The following UBR3 variants were observed in gnomAD, a reference collection of about 807,000 sequenced individuals.
UBR3 encodes the protein E3 ubiquitin-protein ligase UBR3.
A neutral mutation model predicts 243.2 loss-of-function variants in UBR3; 85 were observed. The observed-to-expected ratio is 0.35, with a 90% CI of 0.29 to 0.42. The LOEUF (loss-of-function observed/expected upper bound fraction) is 0.42, where lower values mean the gene tolerates loss of function less well. Ranked by LOEUF, UBR3 falls within the 10% of genes least tolerant of loss-of-function variation. The probability of loss-of-function intolerance (pLI) is 1.00; values close to 1 mark genes in which losing one functional copy is unlikely to be tolerated. For missense variants in UBR3, 1,686 were observed against 2,300.8 expected (o/e 0.73, Z 5.47); for synonymous variants, 748 against 799.8 (o/e 0.94, Z 1.09).
intron 1 of UBR3, among the ~76,000 whole-genome samples, chr2:169,839,327 T>A (rs899818295): frequency 6.6e-6 from 1 of 152,000 alleles, no homozygotes; most frequent in Middle Eastern, 3.2e-3. Flanking sequence ...GTGGATCTCA[T>A]GAAGATAAAG....
intron 35 of UBR3, among the ~76,000 whole-genome samples, chr2:170,064,540 G>T (rs2091515488): frequency 6.6e-6 from 1 of 151,756 alleles, no homozygotes; most frequent in Non-Finnish European, 1.5e-5. Flanking sequence ...TTGTGGTGTG[G>T]TATGAGGTAA....
intron 1 of UBR3, among the ~76,000 whole-genome samples, chr2:169,845,147 G>A (rs1465665896): frequency 6.6e-6 from 1 of 152,094 alleles, no homozygotes; most frequent in African/African-American, 2.4e-5. Flanking sequence ...TTAAGGCTGG[G>A]AGTGGTGGCT....
intron 5 of UBR3, among the ~76,000 whole-genome samples, chr2:169,879,026 AT>A (rs573129339): frequency 4.0e-5 from 6 of 151,500 alleles, no homozygotes; most frequent in African/African-American, 1.4e-4. Context: ...CATGTCAGGG[AT>A]TTTTTTTTAA....
At chr2:169,936,715 C>T (rs1574240011) in intron 19 of UBR3, among the ~76,000 whole-genome samples, 1 of 151,982 alleles carries the variant, frequency 6.6e-6, no homozygotes, top group South Asian at 2.1e-4. Context: ...TGTTCCCCTT[C>T]CTGTGTCCAA....
At chr2:169,845,578 TTTC>T (rs969818056) in intron 1 of UBR3, among the ~76,000 whole-genome samples, 2 of 150,768 alleles carry the variant, frequency 1.3e-5, no homozygotes, top group Non-Finnish European at 1.5e-5. Flanking sequence ...TTCTTTCTTC[TTTC>T]TTCTTCTTTT....
intron 8 of UBR3, among the ~76,000 whole-genome samples, chr2:169,899,629 G>A (rs552015603): frequency 6.6e-5 from 10 of 152,176 alleles, no homozygotes; most frequent in African/African-American, 2.2e-4. Context: ...ATCTACATTA[G>A]GTATTTCTCC....
chr2:169,841,960 C>T (rs1021838262), intron 1 of UBR3, among the ~76,000 whole-genome samples: 11 of 152,236 alleles, frequency 7.2e-5, no homozygotes, highest in East Asian at 1.9e-4. Flanking sequence ...CCTGTAGCCC[C>T]GGTGCGGGAT....
At position 170,045,677 on chromosome 2, in the gene UBR3, C is replaced by T. The variant is rs564294939; in HGVS notation, c.4660+4692C>T. On this transcript the variant is annotated intron_variant, in intron 32 of 38. Transcript: ENST00000272793. Reference sequence around the variant, plus strand: ...AAAAAACTATTTATTTACAAGCATACATAACAGTAAAGAGCAGAGTTTCAT... The same window carrying T: ...AAAAAACTATTTATTTACAAGCATATATAACAGTAAAGAGCAGAGTTTCAT... Among the ~76,000 whole-genome samples, 3 of 152,288 alleles carry T rather than the reference C, an allele frequency of 2.0e-5. No homozygotes were observed. The South Asian group carries it at 6.2e-4, about 32-fold the overall frequency.
At chr2:170,052,960 A>G (rs1346719928) in intron 32 of UBR3, among the ~76,000 whole-genome samples, 2 of 152,358 alleles carry the variant, frequency 1.3e-5, no homozygotes, top group South Asian at 2.1e-4. Context: ...TCTACCTTCA[A>G]TAATATAATT....
chr2:170,062,840 G>A (rs2091481258), intron 35 of UBR3, among the ~76,000 whole-genome samples: 1 of 152,192 alleles, frequency 6.6e-6, no homozygotes, highest in Non-Finnish European at 1.5e-5. Flanking sequence ...TGGTGTTTGA[G>A]TGTACAGTGA....
At chr2:169,841,118 C>G (rs557154203) in intron 1 of UBR3, among the ~76,000 whole-genome samples, 28 of 152,216 alleles carry the variant, frequency 1.8e-4, no homozygotes, top group African/African-American at 6.7e-4. Flanking sequence ...TTTTTTTTCT[C>G]CTAAGCATGC....
intron 31 of UBR3, among the ~76,000 whole-genome samples, chr2:170,039,908 A>AT (rs2090923460): frequency 6.6e-6 from 1 of 151,932 alleles, no homozygotes; most frequent in Admixed American, 6.6e-5. Context: ...TTTAAAATTT[A>AT]TTTTTTGTAG....
chr2:170,076,857 T>C (rs746307527), intron 36 of UBR3, among the ~76,000 whole-genome samples: 5 of 152,220 alleles, frequency 3.3e-5, no homozygotes, highest in Non-Finnish European at 5.9e-5. Flanking sequence ...AAGCTTGGTC[T>C]ATGGTAGGGG....
chr2:169,857,868 A>G (rs905332824), intron 1 of UBR3, among the ~76,000 whole-genome samples: 1 of 152,184 alleles, frequency 6.6e-6, no homozygotes, highest in Admixed American at 6.5e-5. Context: ...CAGCCCCTCA[A>G]GTAGCTGGGA....
chr2:169,833,763 T>C (rs888542081), intron 1 of UBR3, among the ~76,000 whole-genome samples: 5 of 152,118 alleles, frequency 3.3e-5, no homozygotes, highest in African/African-American at 1.2e-4. Context: ...AGATTAGTTA[T>C]AATTTATCCA....
intron 24 of UBR3, among the ~76,000 whole-genome samples, chr2:169,977,609 A>AG (rs1181422835): frequency 7.2e-5 from 11 of 152,174 alleles, no homozygotes; most frequent in African/African-American, 2.7e-4. Context: ...GGAGAGAGAG[A>AG]GAGGAAACCA....
intron 5 of UBR3, among the ~76,000 whole-genome samples, chr2:169,883,732 A>G (rs2083982003): frequency 6.6e-6 from 1 of 152,258 alleles, no homozygotes; most frequent in South Asian, 2.1e-4. Context: ...CATTTTAGCC[A>G]GTAATGGCTA....
At chr2:170,015,238 G>A in intron 29 of UBR3, 43 bp from the exon 30 acceptor site, 1 of 1,483,322 alleles carries the variant, frequency 6.7e-7, no homozygotes, top group Non-Finnish European at 9.3e-7. Context: ...GATTAATAAA[G>A]AATCTTCAGT....
At chr2:169,975,877 A>G (rs200236059) in intron 24 of UBR3, among the ~76,000 whole-genome samples, 6,104 of 46,618 alleles carry the variant, frequency 0.13, 180 homozygotes, top group East Asian at 0.28. Context: ...TGGATCTGCA[A>G]TTAAAAACAT....
Sources: gnomAD v4.1 joint callset for allele counts (sites outside exome capture counted in the v4.1 genomes callset) on GRCh38, gnomAD v4.1.1 for gene constraint, MANE v1.5 for transcripts, NCBI Gene and HGNC (gene_info 2026-07-23, HGNC 2026-07-21) for gene names.